NRG1: variants seen among roughly 807,000 people sequenced by gnomAD.
NRG1 encodes the protein neuregulin 1.
Under a neutral mutation model 63.8 loss-of-function variants are expected in NRG1, and 18 were observed. The observed-to-expected ratio is 0.28, with a 90% CI of 0.19 to 0.42. The LOEUF is 0.42. NRG1 is among the 10% of genes least tolerant of loss of function. The probability of loss-of-function intolerance (pLI) is 1.00; values close to 1 mark genes in which losing one functional copy is unlikely to be tolerated. For synonymous variants in NRG1, 302 were observed against 301.3 expected (o/e 1.00, Z -0.02); for missense variants, 762 against 814.7 (o/e 0.94, Z 0.79).
chr8:31,971,684 A>G (rs1247084156), intron 1 of NRG1, among the ~76,000 whole-genome samples: 1 of 152,178 alleles, frequency 6.6e-6, no homozygotes, highest in Non-Finnish European at 1.5e-5. Context: ...ACCACTAAGA[A>G]AGAAAAAGAA....
At chr8:31,976,402 C>T (rs1038384265) in intron 1 of NRG1, among the ~76,000 whole-genome samples, 3 of 152,070 alleles carry the variant, frequency 2.0e-5, no homozygotes, top group Non-Finnish European at 4.4e-5. Flanking sequence ...TGTATATTAA[C>T]CATATGTTCT....
chr8:31,786,208 A>G (rs951393257), intron 1 of NRG1, among the ~76,000 whole-genome samples: 2 of 152,238 alleles, frequency 1.3e-5, no homozygotes, highest in Non-Finnish European at 2.9e-5. Context: ...CTTAAGAGAC[A>G]TAAACAAGGA....
At chr8:32,305,777 A>T (rs887669364) in intron 1 of NRG1, among the ~76,000 whole-genome samples, 2 of 152,164 alleles carry the variant, frequency 1.3e-5, no homozygotes, top group Non-Finnish European at 1.5e-5. Context: ...CCTTAAGCCC[A>T]TTTTTTGTAG....
chr8:32,423,713 T>C (rs34998122), intron 1 of NRG1, among the ~76,000 whole-genome samples: 104,558 of 152,084 alleles, frequency 0.69, 36,279 homozygotes, highest in East Asian at 0.98. Flanking sequence ...AGAGACCCAC[T>C]ACCTAACCCA....
chr8:32,563,054 C>T (rs934729793), intron 1 of NRG1, among the ~76,000 whole-genome samples: 1 of 152,156 alleles, frequency 6.6e-6, no homozygotes, highest in Non-Finnish European at 1.5e-5. Flanking sequence ...GGGCTTCATG[C>T]ATCCTAGGAC....
intron 1 of NRG1, among the ~76,000 whole-genome samples, chr8:32,255,099 A>T (rs1354434056): frequency 6.6e-6 from 1 of 152,066 alleles, no homozygotes; most frequent in East Asian, 1.9e-4. Context: ...TGCACGTGAG[A>T]CGTGTCTCCT....
chr8:32,570,589 C>G (rs1838364940), intron 1 of NRG1, among the ~76,000 whole-genome samples: 1 of 152,140 alleles, frequency 6.6e-6, no homozygotes, highest in South Asian at 2.1e-4. Context: ...GTGGTTTGCT[C>G]CACTCTATCA....
At chr8:32,168,270 A>T (rs1839615575) in intron 1 of NRG1, among the ~76,000 whole-genome samples, 1 of 152,230 alleles carries the variant, frequency 6.6e-6, no homozygotes, top group Non-Finnish European at 1.5e-5. Flanking sequence ...TATGAGTTCA[A>T]AAAAATCAAT....
At chr8:32,628,275 C>T (rs1465410676) in intron 5 of NRG1, among the ~76,000 whole-genome samples, 5 of 152,026 alleles carry the variant, frequency 3.3e-5, no homozygotes, top group African/African-American at 1.2e-4. Flanking sequence ...ATTTAAGTGG[C>T]CATAATAGAT....
chr8:32,493,201 G>C (rs1236421792), intron 1 of NRG1, among the ~76,000 whole-genome samples: 1 of 152,094 alleles, frequency 6.6e-6, no homozygotes, highest in Non-Finnish European at 1.5e-5. Flanking sequence ...CTCTTTTCTT[G>C]TTAATCTCCT....
intron 8 of NRG1, among the ~76,000 whole-genome samples, chr8:32,755,401 C>T (rs192377505): frequency 1.3e-5 from 2 of 152,100 alleles, no homozygotes; most frequent in African/African-American, 4.8e-5. Context: ...AAATAATATG[C>T]TTTTATGCCA....
intron 1 of NRG1, among the ~76,000 whole-genome samples, chr8:32,314,522 T>C (rs1857166215): frequency 6.6e-6 from 1 of 152,206 alleles, no homozygotes; most frequent in Non-Finnish European, 1.5e-5. Flanking sequence ...ACAAAGCTGT[T>C]CTGTAATACA....
intron 1 of NRG1, among the ~76,000 whole-genome samples, chr8:32,594,203 A>ATCCTGAT (rs1842979004): frequency 6.6e-6 from 1 of 152,136 alleles, no homozygotes; most frequent in African/African-American, 2.4e-5. Flanking sequence ...TGGTTAGGTG[A>ATCCTGAT]TCCTGATTAC....
chr8:31,665,487 T>C lies in NRG1; in HGVS notation c.37+26056T>C, dbSNP rs141677305. Among the ~76,000 whole-genome samples the C allele has an allele frequency of 1.6e-3, 249 of 152,280 alleles. 1 individual carries two copies. The highest frequency in any genetic ancestry group is 5.7e-3 in the African/African-American group (238 of 41,564). The stretch of plus-strand genomic sequence containing the variant: ...TAGGTTTGGAAAAATAGTCTAGAAC[T>C]ATTGAAGGAATTTCAGGCAGAGAAT... On this transcript the variant is annotated intron_variant, in intron 1 of 10. Transcript: ENST00000519301.
intron 1 of NRG1, among the ~76,000 whole-genome samples, chr8:31,857,323 T>G (rs1490710119): frequency 3.3e-5 from 5 of 152,222 alleles, no homozygotes; most frequent in African/African-American, 1.2e-4. Context: ...GATGCGCTGT[T>G]TTTTAAGCCG....
intron 1 of NRG1, among the ~76,000 whole-genome samples, chr8:31,723,050 T>C (rs1448793072): frequency 6.6e-6 from 1 of 152,146 alleles, no homozygotes; most frequent in Non-Finnish European, 1.5e-5. Context: ...AACTTAGAGA[T>C]TATACATTTT....
At chr8:32,449,017 G>A (rs986496854) in intron 1 of NRG1, among the ~76,000 whole-genome samples, 6 of 152,200 alleles carry the variant, frequency 3.9e-5, no homozygotes, top group South Asian at 4.2e-4. Flanking sequence ...GCCATCGGCC[G>A]GGCATGATGG....
chr8:31,759,352 G>A (rs1024371208), intron 1 of NRG1, among the ~76,000 whole-genome samples: 38 of 151,430 alleles, frequency 2.5e-4, no homozygotes, highest in African/African-American at 8.5e-4. Context: ...TTTCTTCTAG[G>A]ATCTTCAGAC....
intron 1 of NRG1, among the ~76,000 whole-genome samples, chr8:32,113,253 T>C (rs1050371921): frequency 6.6e-6 from 1 of 152,200 alleles, no homozygotes; most frequent in African/African-American, 2.4e-5. Context: ...AGGAGACTGA[T>C]GGTGAGAGGC....
Sources: allele counts gnomAD v4.1 joint callset (sites outside exome capture counted in the v4.1 genomes callset), GRCh38; gene constraint gnomAD v4.1.1; transcripts MANE v1.5; gene names NCBI Gene and HGNC (gene_info 2026-07-23, HGNC 2026-07-21).